RTL4: variants seen among roughly 807,000 people sequenced by gnomAD.
The protein encoded by RTL4 is retrotransposon Gag like 4.
In RTL4, 4 loss-of-function variants were observed where a neutral mutation model predicts 5.3. That is an observed-to-expected ratio of 0.75 (90% CI 0.37 to 1.72). The LOEUF (loss-of-function observed/expected upper bound fraction) is 1.72, where lower values mean the gene tolerates loss of function less well. Ranked by LOEUF, RTL4 falls within the 40% of genes most tolerant of loss-of-function variation. RTL4 has a pLI of 0.04. For synonymous variants in RTL4, 98 were observed against 87.3 expected, an observed-to-expected ratio of 1.12 and a Z score of -0.68; for missense variants, 260 against 227.1, an observed-to-expected ratio of 1.14 and a Z score of -0.93.
At chrX:112,309,761 C>G in the RTL4 span, among the ~76,000 whole-genome samples, 1 of 108,629 alleles carries the variant, frequency 9.2e-6, no homozygotes, top group African/African-American at 3.4e-5. Flanking sequence ...CCTCCATGGC[C>G]GGCTATATGT....
At chrX:112,208,219 TG>T in the RTL4 span, among the ~76,000 whole-genome samples, 1 of 112,002 alleles carries the variant, frequency 8.9e-6, no homozygotes, top group Non-Finnish European at 1.9e-5. Context: ...AAGATGTTCA[TG>T]TTCCTCTGTT....
chrX:112,229,697 A>C, the RTL4 span, among the ~76,000 whole-genome samples: 1 of 111,847 alleles, frequency 8.9e-6, no homozygotes, highest in African/African-American at 3.2e-5. Flanking sequence ...TGACATACAG[A>C]TGGGTTTTTG....
At chrX:112,379,847 T>C in the RTL4 span, among the ~76,000 whole-genome samples, 1 of 111,893 alleles carries the variant, frequency 8.9e-6, no homozygotes, top group African/African-American at 3.2e-5. Context: ...TTAATTTATA[T>C]ACAGTAAATT....
At chrX:112,400,022 C>T in the RTL4 span, among the ~76,000 whole-genome samples, 7 of 111,210 alleles carry the variant, frequency 6.3e-5, no homozygotes, top group East Asian at 1.7e-3. Flanking sequence ...TTTTTCCCTG[C>T]TTGTGAGATT....
At chrX:112,276,839 A>T in the RTL4 span, among the ~76,000 whole-genome samples, 35 of 112,292 alleles carry the variant, frequency 3.1e-4, 1 homozygote, top group East Asian at 8.1e-3. Context: ...ATAGTAAAAA[A>T]AATTAACATT....
the RTL4 span, among the ~76,000 whole-genome samples, chrX:112,162,747 G>A: frequency 2.7e-5 from 3 of 111,652 alleles, no homozygotes; most frequent in South Asian, 3.8e-4. Context: ...TACAACAGAC[G>A]AGTCTCCCCT....
the RTL4 span, among the ~76,000 whole-genome samples, chrX:112,374,582 A>G: frequency 8.9e-6 from 1 of 112,221 alleles, no homozygotes; most frequent in Non-Finnish European, 1.9e-5. Flanking sequence ...GGAATGATTG[A>G]CATTTTCATA....
chrX:112,231,237 G>T, the RTL4 span, among the ~76,000 whole-genome samples: 1 of 110,721 alleles, frequency 9.0e-6, no homozygotes, highest in East Asian at 2.8e-4. Flanking sequence ...TATACCCAAA[G>T]GATTATAAAT....
the RTL4 span, among the ~76,000 whole-genome samples, chrX:112,111,161 CTCTT>C: frequency 8.1e-3 from 905 of 111,879 alleles, 5 homozygotes; most frequent in African/African-American, 0.028. Context: ...CTTTCTCTCT[CTCTT>C]TGTCTCTGTC....
chrX:112,220,393 A>C, the RTL4 span, among the ~76,000 whole-genome samples: 11 of 112,857 alleles, frequency 9.7e-5, no homozygotes, highest in Non-Finnish European at 1.9e-4. Flanking sequence ...CCAAGGCTGC[A>C]CACAGTAGGG....
chrX:112,273,162 C>G, the RTL4 span, among the ~76,000 whole-genome samples: 597 of 111,637 alleles, frequency 5.3e-3, 6 homozygotes, highest in African/African-American at 0.018. Flanking sequence ...CACTTCCTAG[C>G]TGGGTCACTT....
chrX:112,260,462 C>A, the RTL4 span, among the ~76,000 whole-genome samples: 16 of 111,412 alleles, frequency 1.4e-4, no homozygotes, highest in African/African-American at 4.9e-4. Flanking sequence ...AAAAAGAGGG[C>A]CTTGAATGTC....
chrX:112,393,161 G>GTTTTTTT, the RTL4 span, among the ~76,000 whole-genome samples: 3 of 71,300 alleles, frequency 4.2e-5, no homozygotes, highest in African/African-American at 1.5e-4. Flanking sequence ...TTTTTTTTTT[G>GTTTTTTT]TTTTTTTTTT....
chrX:112,398,983 TTAAA>T, the RTL4 span, among the ~76,000 whole-genome samples: 2 of 112,446 alleles, frequency 1.8e-5, no homozygotes, highest in Admixed American at 9.4e-5. Flanking sequence ...GTTAATTCCT[TTAAA>T]TAATGACAGG....
chrX:112,209,960 C>A, the RTL4 span, among the ~76,000 whole-genome samples: 1 of 111,891 alleles, frequency 8.9e-6, no homozygotes, highest in African/African-American at 3.3e-5. Context: ...GACAAAGGCT[C>A]CAAACAGTAT....
the RTL4 span, among the ~76,000 whole-genome samples, chrX:112,103,606 G>A: frequency 2.9e-3 from 321 of 110,345 alleles, 4 homozygotes; most frequent in African/African-American, 0.01. Flanking sequence ...GAAAGCAGAC[G>A]GACTTCACTT....
the RTL4 span, among the ~76,000 whole-genome samples, chrX:112,223,387 C>G: frequency 8.9e-6 from 1 of 112,053 alleles, no homozygotes; most frequent in Non-Finnish European, 1.9e-5. Context: ...TTTTGTATTA[C>G]CTATTTAAAA....
At chrX:112,421,086 C>T in the RTL4 span, among the ~76,000 whole-genome samples, 1 of 111,374 alleles carries the variant, frequency 9.0e-6, no homozygotes, top group African/African-American at 3.3e-5. Flanking sequence ...GCATTATCAA[C>T]AGCTGTACCG....
At chrX:112,443,164 A>G in the RTL4 span, among the ~76,000 whole-genome samples, 1 of 111,898 alleles carries the variant, frequency 8.9e-6, no homozygotes, top group Non-Finnish European at 1.9e-5. Flanking sequence ...ATATCCAACA[A>G]ATAGGTAAGA....
Sources: allele counts gnomAD v4.1 joint callset (sites outside exome capture counted in the v4.1 genomes callset), GRCh38; gene constraint gnomAD v4.1.1; transcripts MANE v1.5; gene names NCBI Gene and HGNC (gene_info 2026-07-23, HGNC 2026-07-21).